The following ITCH variants were observed in gnomAD, a reference collection of about 807,000 sequenced individuals.
ITCH encodes E3 ubiquitin-protein ligase Itchy homolog.
A neutral mutation model predicts 126.8 loss-of-function variants in ITCH; 28 were observed. The ratio of observed to expected loss-of-function variants is 0.22; its 90% CI spans 0.16 to 0.30. ITCH has a LOEUF of 0.30. ITCH is among the 10% of genes least tolerant of loss of function. ITCH has a pLI of 1.00. For missense variants in ITCH, 631 were observed against 1,032.4 expected (o/e 0.61, Z 5.33); for synonymous variants, 342 against 340.0 (o/e 1.01, Z -0.06).
chr20:34,419,485 C>CT (rs1192397617), intron 6 of ITCH, among the ~76,000 whole-genome samples: 2,253 of 141,024 alleles, frequency 0.016, 28 homozygotes, highest in Middle Eastern at 0.047. Context: ...TCAGTGTTGC[C>CT]TTTTTTTTTT....
intron 7 of ITCH, among the ~76,000 whole-genome samples, chr20:34,435,238 C>T (rs575442992): frequency 1.4e-4 from 22 of 151,872 alleles, no homozygotes; most frequent in Non-Finnish European, 2.8e-4. Flanking sequence ...GCACAATCTC[C>T]GCTTACCACA....
At chr20:34,370,449 A>C (rs2037579389) in intron 2 of ITCH, among the ~76,000 whole-genome samples, 1 of 152,068 alleles carries the variant, frequency 6.6e-6, no homozygotes, top group African/African-American at 2.4e-5. Flanking sequence ...GGATCACTTG[A>C]GGTCAGGAGT....
intron 12 of ITCH, among the ~76,000 whole-genome samples, chr20:34,451,712 A>T (rs1485583549): frequency 6.6e-6 from 1 of 152,102 alleles, no homozygotes; most frequent in Non-Finnish European, 1.5e-5. Flanking sequence ...CTTATGTTAG[A>T]GAAGGAGAAA....
At chr20:34,482,454 T>C (rs1207272364) in intron 20 of ITCH, among the ~76,000 whole-genome samples, 1 of 152,156 alleles carries the variant, frequency 6.6e-6, no homozygotes, top group Non-Finnish European at 1.5e-5. Flanking sequence ...TGGGAGAAAT[T>C]GGCCAAAACA....
At chr20:34,442,093 A>G in intron 9 of ITCH, 115 bp from the exon 10 acceptor site, 2 of 754,764 alleles carry the variant, frequency 2.6e-6, no homozygotes, top group Non-Finnish European at 4.8e-6. Context: ...TTCTAAACTG[A>G]TGTCCTTATT....
At chr20:34,438,189 G>A (rs1190804708) in intron 7 of ITCH, among the ~76,000 whole-genome samples, 2 of 152,142 alleles carry the variant, frequency 1.3e-5, no homozygotes, top group Non-Finnish European at 2.9e-5. Flanking sequence ...CCTTCTGAAG[G>A]CTTATTTGAA....
intron 2 of ITCH, among the ~76,000 whole-genome samples, chr20:34,378,112 CG>C (rs2037914942): frequency 1.3e-5 from 2 of 150,210 alleles, no homozygotes; most frequent in Non-Finnish European, 2.9e-5. Context: ...TAGTCTTTTT[CG>C]CAAGTAAGCT....
At chr20:34,454,177 G>T (rs1202433740) in intron 12 of ITCH, among the ~76,000 whole-genome samples, 1 of 145,716 alleles carries the variant, frequency 6.9e-6, no homozygotes, top group Non-Finnish European at 1.5e-5. Context: ...TCGCTCTGTC[G>T]CCCAGGCTGG....
At chr20:34,475,940 A>T in intron 16 of ITCH, 1 of 1,427,718 alleles carries the variant, frequency 7.0e-7, no homozygotes. Flanking sequence ...GGTCTTGCCC[A>T]CATCAATGGA....
chr20:34,394,583 A>G (rs549119834), intron 3 of ITCH, among the ~76,000 whole-genome samples: 29 of 152,286 alleles, frequency 1.9e-4, no homozygotes, highest in African/African-American at 6.5e-4. Context: ...GGGTCTCACT[A>G]TAATGCCCAG....
chr20:34,395,457 T>C (rs2038642413), intron 3 of ITCH, among the ~76,000 whole-genome samples: 1 of 152,156 alleles, frequency 6.6e-6, no homozygotes, highest in South Asian at 2.1e-4. Flanking sequence ...AGAGACTTAC[T>C]TAGTTCAGCA....
At chr20:34,425,198 A>G (rs75172240) in intron 7 of ITCH, among the ~76,000 whole-genome samples, 1 of 152,236 alleles carries the variant, frequency 6.6e-6, no homozygotes, top group South Asian at 2.1e-4. Context: ...GTCTGTGCAG[A>G]ATGTGCCTTG....
intron 11 of ITCH, 28 bp downstream of exon 11, chr20:34,445,489 A>ATAAGAGTAT: frequency 6.2e-7 from 1 of 1,607,864 alleles, no homozygotes; most frequent in Non-Finnish European, 8.5e-7. Context: ...TAATAAACTA[A>ATAAGAGTAT]TAAGAGTATT....
At chr20:34,503,862 T>TG (rs1159072180) in intron 23 of ITCH, among the ~76,000 whole-genome samples, 4 of 117,036 alleles carry the variant, frequency 3.4e-5, no homozygotes, top group Admixed American at 8.1e-5. Flanking sequence ...GGTTTTTTTT[T>TG]TTTTTTGGTT....
chr20:34,369,701 T>A (rs1418563830), intron 2 of ITCH, among the ~76,000 whole-genome samples: 1 of 152,232 alleles, frequency 6.6e-6, no homozygotes, highest in Non-Finnish European at 1.5e-5. Context: ...TTTTTGTAGA[T>A]CCCTTATACA....
chr20:34,482,096 C>T (rs756734061), intron 20 of ITCH, among the ~76,000 whole-genome samples: 15 of 152,274 alleles, frequency 9.9e-5, no homozygotes, highest in Non-Finnish European at 2.1e-4. Context: ...AAAGACCCAC[C>T]CCCGTGATCC....
At chr20:34,369,674 G>GT in intron 2 of ITCH, 1 of 381,034 alleles carries the variant, frequency 2.6e-6, no homozygotes, top group Non-Finnish European at 4.6e-6. Flanking sequence ...CTTAATTTGG[G>GT]TTTTCTGACT....
intron 1 of ITCH, among the ~76,000 whole-genome samples, chr20:34,364,832 A>C (rs903163984): frequency 1.8e-4 from 25 of 139,598 alleles, no homozygotes; most frequent in African/African-American, 6.9e-4. Flanking sequence ...TGGAGGCTGC[A>C]GTGAGCCGAG....
chr20:34,489,111 G>A (rs558355630), intron 20 of ITCH, among the ~76,000 whole-genome samples, 155 bp from the exon 21 acceptor site: 1 of 152,300 alleles, frequency 6.6e-6, no homozygotes, highest in Admixed American at 6.5e-5. Flanking sequence ...GATGGGCATT[G>A]TGATGAAGCT....
Sources: allele counts gnomAD v4.1 joint callset (sites outside exome capture counted in the v4.1 genomes callset), GRCh38; gene constraint gnomAD v4.1.1; transcripts MANE v1.5; gene names NCBI Gene and HGNC (gene_info 2026-07-23, HGNC 2026-07-21).